The following RBFOX1 variants were observed in gnomAD, a reference collection of about 807,000 sequenced individuals.
RBFOX1 encodes the protein RNA binding protein fox-1 homolog 1.
A neutral mutation model predicts 57.7 loss-of-function variants in RBFOX1; 8 were observed. That is an observed-to-expected ratio of 0.14 (90% confidence interval 0.08 to 0.25). The LOEUF (loss-of-function observed/expected upper bound fraction) is 0.25, where lower values mean the gene tolerates loss of function less well. Among genes scored for constraint, RBFOX1 ranks in the 10% least tolerant of loss-of-function variants. The probability of loss-of-function intolerance (pLI) is 1.00; values close to 1 mark genes in which losing one functional copy is unlikely to be tolerated. For synonymous variants in RBFOX1, 326 were observed against 222.4 expected (o/e 1.47, Z -4.15); for missense variants, 611 against 548.5 (o/e 1.11, Z -1.14).
chr16:7,105,449 C>A lies in RBFOX1; in HGVS notation c.27+53351C>A, dbSNP rs183163572. ...ATCACTCAAGCAGTATACACTGCAC[C>A]CAATTTGTAGTCTTTTATCCCTTAC... On this transcript the variant is annotated intron_variant, in intron 4 of 15. Transcript: ENST00000550418. Among the ~76,000 whole-genome samples the A allele has an allele frequency of 2.8e-3, 420 of 152,134 alleles. 3 individuals are homozygous for A. Among genetic ancestry groups the A allele is most frequent in the Admixed American group, 6.9e-3 (105 of 15,256 alleles).
intron 3 of RBFOX1, among the ~76,000 whole-genome samples, chr16:6,747,775 C>T (rs899579107): frequency 2.1e-4 from 32 of 152,064 alleles, no homozygotes; most frequent in African/African-American, 7.7e-4. Flanking sequence ...TGGGAGTTGT[C>T]AATCTACATG....
chr16:5,641,364 C>T (rs1371622564), intron 3 of RBFOX1, among the ~76,000 whole-genome samples: 1 of 152,214 alleles, frequency 6.6e-6, no homozygotes, highest in Non-Finnish European at 1.5e-5. Context: ...ATGCAATAAA[C>T]TACATACACA....
chr16:5,591,484 C>T (rs1028695834), intron 2 of RBFOX1, among the ~76,000 whole-genome samples: 2 of 152,162 alleles, frequency 1.3e-5, no homozygotes, highest in Non-Finnish European at 2.9e-5. Flanking sequence ...CTCCTGACCT[C>T]AGGTGATCTG....
intron 2 of RBFOX1, among the ~76,000 whole-genome samples, chr16:6,442,124 C>T (rs927219257): frequency 7.9e-5 from 12 of 152,160 alleles, no homozygotes; most frequent in Admixed American, 4.6e-4. Flanking sequence ...GGGTCATTGA[C>T]GTCCAGCCCT....
At chr16:6,196,450 C>T (rs998420249) in intron 1 of RBFOX1, among the ~76,000 whole-genome samples, 1 of 152,116 alleles carries the variant, frequency 6.6e-6, no homozygotes, top group Non-Finnish European at 1.5e-5. Flanking sequence ...TAACACATTG[C>T]ATGGGATACA....
At chr16:6,401,974 G>A (rs2093088242) in intron 2 of RBFOX1, among the ~76,000 whole-genome samples, 1 of 151,892 alleles carries the variant, frequency 6.6e-6, no homozygotes, top group Non-Finnish European at 1.5e-5. Flanking sequence ...TGATCATCAT[G>A]GCTGAGCCAG....
intron 4 of RBFOX1, among the ~76,000 whole-genome samples, chr16:5,983,291 G>C (rs1238487740): frequency 2.0e-5 from 3 of 152,176 alleles, no homozygotes; most frequent in African/African-American, 4.8e-5. Context: ...CACTTGAGTC[G>C]TTTTAAAAGC....
intron 1 of RBFOX1, among the ~76,000 whole-genome samples, chr16:6,182,358 C>A (rs1024319856): frequency 6.6e-6 from 1 of 152,168 alleles, no homozygotes; most frequent in Non-Finnish European, 1.5e-5. Flanking sequence ...ATACGACCTA[C>A]CACAGCCACT....
intron 3 of RBFOX1, among the ~76,000 whole-genome samples, chr16:6,796,838 A>T (rs1489018416): frequency 1.3e-5 from 2 of 152,170 alleles, no homozygotes; most frequent in Non-Finnish European, 2.9e-5. Context: ...AATTTTGGGA[A>T]TGATAGAAGA....
intron 1 of RBFOX1, among the ~76,000 whole-genome samples, chr16:6,222,412 C>A (rs1043588950): frequency 6.6e-6 from 1 of 151,906 alleles, no homozygotes; most frequent in Non-Finnish European, 1.5e-5. Context: ...TGTACGTTTT[C>A]CCTTCCCTCC....
chr16:5,784,679 G>A (rs548353146), intron 3 of RBFOX1, among the ~76,000 whole-genome samples: 1 of 152,146 alleles, frequency 6.6e-6, no homozygotes, highest in Non-Finnish European at 1.5e-5. Context: ...GACACAGATC[G>A]AAATCATGTC....
intron 2 of RBFOX1, among the ~76,000 whole-genome samples, chr16:5,564,480 A>G (rs994672701): frequency 3.3e-5 from 5 of 152,010 alleles, no homozygotes; most frequent in African/African-American, 1.2e-4. Context: ...TTTTGGTCTA[A>G]TAAGAAACCC....
chr16:5,300,281 G>T (rs1024587573), intron 1 of RBFOX1, among the ~76,000 whole-genome samples: 1 of 152,066 alleles, frequency 6.6e-6, no homozygotes, highest in African/African-American at 2.4e-5. Context: ...ACATATGCTG[G>T]CCTTAAAAAT....
intron 3 of RBFOX1, among the ~76,000 whole-genome samples, chr16:7,033,568 C>A (rs80043226): frequency 0.013 from 1,932 of 152,238 alleles, 39 homozygotes; most frequent in African/African-American, 0.044. Flanking sequence ...GAGGACAGAG[C>A]TGATCATCAT....
At chr16:5,652,176 T>C (rs188462394) in intron 3 of RBFOX1, among the ~76,000 whole-genome samples, 14 of 152,312 alleles carry the variant, frequency 9.2e-5, no homozygotes, top group East Asian at 3.9e-4. Context: ...GAAGAAGATA[T>C]TGACAGAGTT....
At chr16:7,434,654 T>C (rs2098708063) in intron 4 of RBFOX1, among the ~76,000 whole-genome samples, 1 of 152,130 alleles carries the variant, frequency 6.6e-6, no homozygotes, top group Non-Finnish European at 1.5e-5. Context: ...TATTTTAGAA[T>C]ACTTTTACAT....
At chr16:6,169,922 A>G (rs1259513894) in intron 1 of RBFOX1, among the ~76,000 whole-genome samples, 1 of 151,810 alleles carries the variant, frequency 6.6e-6, no homozygotes, top group Admixed American at 6.6e-5. Flanking sequence ...GCGCCACCAC[A>G]CCTGACTAGT....
At chr16:6,897,723 G>C (rs922917209) in intron 3 of RBFOX1, among the ~76,000 whole-genome samples, 2 of 152,110 alleles carry the variant, frequency 1.3e-5, no homozygotes, top group African/African-American at 4.8e-5. Context: ...AACCCGGGAG[G>C]CAGAGGTTGC....
chr16:6,230,239 A>G (rs540736839), intron 1 of RBFOX1, among the ~76,000 whole-genome samples: 16 of 152,320 alleles, frequency 1.1e-4, no homozygotes, highest in South Asian at 1.0e-3. Flanking sequence ...ATTTTTTTAA[A>G]TAACAATAAT....
Sources: allele counts gnomAD v4.1 joint callset (sites outside exome capture counted in the v4.1 genomes callset), GRCh38; gene constraint gnomAD v4.1.1; transcripts MANE v1.5; gene names NCBI Gene and HGNC (gene_info 2026-07-23, HGNC 2026-07-21).